Variants in FAN1 observed in about 807,000 individuals in gnomAD.
FAN1 encodes the protein fanconi-associated nuclease 1.
FAN1 carries 91 observed loss-of-function variants against 104.9 expected under a neutral mutation model. The ratio of observed to expected loss-of-function variants is 0.87; its 90% CI spans 0.73 to 1.03. FAN1 has a LOEUF of 1.03. Ranked by LOEUF, FAN1 falls within the 50% of genes least tolerant of loss-of-function variation. The pLI, the probability that FAN1 is intolerant of heterozygous loss-of-function variation, is 0.00. For missense variants in FAN1, 1,263 were observed against 1,239.9 expected, an observed-to-expected ratio of 1.02 and a Z score of -0.28; for synonymous variants, 478 against 457.6, an observed-to-expected ratio of 1.04 and a Z score of -0.57.
At chr15:30,924,970 A>G in intron 8 of FAN1, 157 bp from the exon 9 acceptor site, 2 of 711,234 alleles carry the variant, frequency 2.8e-6, no homozygotes, top group Non-Finnish European at 4.5e-6. Flanking sequence ...TCAGAATAAG[A>G]TCTAAGGAAA....
At chr15:30,907,664 G>C (rs1254078055) in intron 2 of FAN1, among the ~76,000 whole-genome samples, 1 of 152,194 alleles carries the variant, frequency 6.6e-6, no homozygotes, top group African/African-American at 2.4e-5. Context: ...AGCCATTTTA[G>C]AGTTGGCCGA....
Position 30,922,001 on chromosome 15 carries a change from C to T in FAN1, c.2053-234C>T, listed in dbSNP as rs190374106. On this transcript the variant is annotated intron_variant, in intron 7 of 14. Coordinates refer to ENST00000362065, the MANE Select transcript of FAN1 (RefSeq NM_014967.5). ...CTGCAGCACTCACAGATGTCTGTAC[C>T]CCAGTGCCAGCTGGCAGGGACCGGG... Among the ~76,000 whole-genome samples, 67 of 152,272 alleles carry T rather than the reference C, an allele frequency of 4.4e-4. 1 individual carries two copies. The highest frequency in any genetic ancestry group is 1.6e-3 in the African/African-American group (67 of 41,558).
At chr15:30,933,604 TGTG>T (rs2062771050) in intron 13 of FAN1, among the ~76,000 whole-genome samples, 1 of 152,248 alleles carries the variant, frequency 6.6e-6, no homozygotes, top group African/African-American at 2.4e-5. Flanking sequence ...TAGCATTTGT[TGTG>T]GGCAGTATTT....
rs189721609 is a variant in FAN1 at position 30,931,950 on chromosome 15, C to T, written c.2916+1279C>T. On this transcript the variant is annotated intron_variant, in intron 13 of 14. Transcript: ENST00000362065. ...AAAAAAAGCCAGCTGAGGCCGGGTA[C>T]GGTGGCTCACACCTGTAATCCCAGC... Among the ~76,000 whole-genome samples, 19 of 148,176 alleles carry T rather than the reference C, an allele frequency of 1.3e-4. 1 individual carries two copies. The highest frequency in any genetic ancestry group is 3.8e-3 in the Middle Eastern group (1 of 260).
intron 12 of FAN1, among the ~76,000 whole-genome samples, chr15:30,929,779 T>TCATATATAATAATATATAAAATATATAA (rs1285472396): frequency 4.4e-5 from 1 of 22,734 alleles, no homozygotes; most frequent in African/African-American, 3.0e-4. Context: ...ATATAATATA[T>TCATATATAATAATATATAAAATATATAA]TATATCATAT....
At chr15:30,936,055 A>T (rs764821487) in intron 13 of FAN1, among the ~76,000 whole-genome samples, 1 of 152,046 alleles carries the variant, frequency 6.6e-6, no homozygotes, top group Non-Finnish European at 1.5e-5. Context: ...CTCTAATTAA[A>T]TGTCCCTTAG....
Position 30,904,903 on chromosome 15 carries a change from A to G in FAN1, c.240A>G (p.Ile80Met). ...TGGATCCAGGGCAGGTTGGCTTAAT[A>G]AATTCAAATGTGTCTATGGTAGATT... ...VQVDPGQVGL[I>M]NSNVSMVDLT... The change falls in exon 2 of 15, where the codon ATA (isoleucine) becomes ATG (methionine). Residue 80 changes from isoleucine (I) to methionine (M), a missense_variant. Ile to Met is a conservative substitution (Grantham distance 10, BLOSUM62 1). Transcript: ENST00000362065. The G allele has an allele frequency of 6.2e-7, 1 of 1,614,070 alleles. No homozygotes were observed. The highest frequency in any genetic ancestry group is 8.5e-7 in the Non-Finnish European group (1 of 1,180,012).
intron 10 of FAN1, chr15:30,927,926 A>G: frequency 1.0e-6 from 1 of 985,718 alleles, no homozygotes; most frequent in Non-Finnish European, 1.2e-6. Context: ...CAGTCAGTAA[A>G]ACATTTGTGT....
chr15:30,904,685 C>G lies in FAN1; in HGVS notation c.22C>G (p.Pro8Ala), dbSNP rs776542535. 2 of 1,604,950 alleles carry G rather than the reference C, an allele frequency of 1.2e-6. No individual in the cohort carries two copies. The highest frequency in any genetic ancestry group is 2.2e-5 in the South Asian group (2 of 90,162). ...ACTCATGATGTCAGAAGGGAAACCT[C>G]CTGACAAAAAAAGGCCTCGTAGAAG... MMSEGKPPDKKRPRRSLS... is the reference protein window; with the variant it reads MMSEGKPADKKRPRRSLS... Residue 8 changes from proline (P) to alanine (A), a missense_variant, in exon 2 of 15, where the codon CCT becomes GCT. Physicochemically the swap from Pro to Ala is conservative, Grantham distance 27. Around this residue, in one of 2 missense-constraint regions of FAN1, gnomAD observed 682 missense variants for 571.1 expected, o/e 1.19. Coordinates refer to ENST00000362065, the MANE Select transcript of FAN1 (RefSeq NM_014967.5).
Position 30,904,904 on chromosome 15 carries a change from A to C in FAN1, c.241A>C (p.Asn81His), listed in dbSNP as rs757342848. ...GGATCCAGGGCAGGTTGGCTTAATA[A>C]ATTCAAATGTGTCTATGGTAGATTT... ...QVDPGQVGLI[N>H]SNVSMVDLTS... is the part of the protein sequence containing the mutation. Residue 81 changes from asparagine to histidine, a missense_variant, in exon 2 of 15, where the codon AAT becomes CAT. Around this residue, in one of 2 missense-constraint regions of FAN1, gnomAD observed 682 missense variants for 571.1 expected, o/e 1.19. Transcript: ENST00000362065. 19 of 1,613,898 alleles carry C rather than the reference A, an allele frequency of 1.2e-5. No homozygotes were observed. Among genetic ancestry groups the C allele is most frequent in the Non-Finnish European group, 8.5e-6 (10 of 1,180,000 alleles).
chr15:30,913,813 A>G, intron 4 of FAN1, 45 bp from the exon 5 acceptor site: 1 of 1,290,148 alleles, frequency 7.8e-7, no homozygotes. Flanking sequence ...TGACATCCAA[A>G]TGCTTAAAAA....
chr15:30,929,211 C>T lies in FAN1; in HGVS notation c.2601C>T (p.Pro867=). 1 of 1,611,876 alleles carries T rather than the reference C, an allele frequency of 6.2e-7. No individual in the cohort carries two copies. Among genetic ancestry groups the T allele is most frequent in the South Asian group, 1.1e-5 (1 of 90,762 alleles). The change falls in exon 12 of 15, where the codon CCC becomes CCT. Residue 867 remains proline (P), a synonymous_variant. Coordinates refer to ENST00000362065, the MANE Select transcript of FAN1 (RefSeq NM_014967.5). ...CTTTCCCTGTGACACAGGCATTCCC[C>T]CTGGACTTGTGCACAGACAGCTTCT... The part of the protein sequence containing the change: ...DVFRNACQAF[P]LDLCTDSFFT...
chr15:30,918,948 A>G (rs1307195051), intron 6 of FAN1, among the ~76,000 whole-genome samples: 3 of 152,166 alleles, frequency 2.0e-5, no homozygotes, highest in Non-Finnish European at 4.4e-5. Flanking sequence ...TGACTTCCCC[A>G]CTACTTAATT....
chr15:30,940,887 G>A (rs2140983195), intron 14 of FAN1: 1 of 1,016,612 alleles, frequency 9.8e-7, no homozygotes, highest in South Asian at 3.8e-5. Context: ...TTTTAAAGTT[G>A]ACCCTATGAA....
intron 13 of FAN1, among the ~76,000 whole-genome samples, chr15:30,935,367 G>A (rs138838729): frequency 6.6e-6 from 1 of 152,042 alleles, no homozygotes; most frequent in African/African-American, 2.4e-5. Flanking sequence ...TGCTAGTAAT[G>A]AATTACAGTA....
chr15:30,926,740 C>T (rs1010588799), intron 10 of FAN1: 20 of 985,244 alleles, frequency 2.0e-5, no homozygotes, highest in Admixed American at 1.8e-4. Context: ...ACTGGACACT[C>T]GCTGGAGGAG....
At chr15:30,940,811 A>G in intron 14 of FAN1, 1 of 987,458 alleles carries the variant, frequency 1.0e-6, no homozygotes, top group Non-Finnish European at 1.2e-6. Flanking sequence ...TTTGTATCCT[A>G]AAGTCAAAGG....
At chr15:30,929,880 A>T (rs1406319156) in intron 12 of FAN1, among the ~76,000 whole-genome samples, 1 of 81,250 alleles carries the variant, frequency 1.2e-5, no homozygotes, top group Non-Finnish European at 1.9e-5. Flanking sequence ...TAAAATATAT[A>T]ATATATATCA....
chr15:30,907,520 AAAAAAACAAAAC>A (rs1448926189), intron 2 of FAN1, among the ~76,000 whole-genome samples: 1 of 148,164 alleles, frequency 6.7e-6, no homozygotes, highest in African/African-American at 2.6e-5. Flanking sequence ...CTCCATCTCA[AAAAAAACAAAAC>A]AAAAACAAAA....
Sources: gnomAD v4.1 joint callset for allele counts (sites outside exome capture counted in the v4.1 genomes callset) on GRCh38, gnomAD v4.1.1 for gene constraint, gnomAD v4.1.1 regional missense constraint, MANE v1.5 for transcripts, NCBI Gene and HGNC (gene_info 2026-07-23, HGNC 2026-07-21) for gene names.